The following COCH variants were observed in gnomAD, a reference collection of about 807,000 sequenced individuals.
The protein encoded by COCH is coagulation factor C homolog, cochlin (Limulus polyphemus).
Under a neutral mutation model 54.8 loss-of-function variants are expected in COCH, and 40 were observed. The observed-to-expected ratio is 0.73, with a 90% CI of 0.57 to 0.95. The LOEUF is 0.95. COCH is among the 40% of genes least tolerant of loss of function. The pLI is 0.00. For synonymous variants in COCH, 256 were observed against 237.9 expected, an observed-to-expected ratio of 1.08 and a Z score of -0.70; for missense variants, 605 against 675.0, an observed-to-expected ratio of 0.90 and a Z score of 1.15.
intron 1 of COCH, 144 bp from the exon 2 acceptor site, chr14:30,874,772 G>A: frequency 1.3e-6 from 1 of 762,986 alleles, no homozygotes; most frequent in Non-Finnish European, 2.2e-6. Flanking sequence ...CAGACCTAGA[G>A]GGGCGCTGGC....
rs1895938723 is a variant in COCH at position 30,890,300 on chromosome 14, C to T, written c.*509C>T. On this transcript the variant is annotated 3_prime_UTR_variant, in exon 12 of 12. Transcript: ENST00000396618. The stretch of plus-strand genomic sequence containing the variant: ...AATAATAGCTAGCTATTACTGCAGA[C>T]TATAAAATCTGGATATAGAAAGGAG... 3 of 985,176 alleles carry T rather than the reference C, an allele frequency of 3.0e-6. No individual in the cohort carries two copies. Among genetic ancestry groups the T allele is most frequent in the Non-Finnish European group, 3.6e-6 (3 of 829,688 alleles). The allele number at this position is 985,176 out of a possible 1,614,324, so 61.0% of individuals were successfully genotyped here.
Position 30,880,583 on chromosome 14 carries a change from G to A in COCH, c.482-4G>A, listed in dbSNP as rs773935807. ...AATGAGGGGACTGGTTTGGTTGTTC[G>A]CAGATTGTAAAGCAGACATTGCATT... On this transcript the variant is annotated splice_region_variant and splice_polypyrimidine_tract_variant and intron_variant, in intron 7 of 11. Transcript: ENST00000396618. 10 of 1,613,906 alleles carry A rather than the reference G, an allele frequency of 6.2e-6. No individual in the cohort carries two copies. The East Asian group carries it at 8.9e-5, about 14-fold the overall frequency.
chr14:30,880,361 G>A, intron 6 of COCH, 91 bp from the exon 7 acceptor site: 1 of 1,560,832 alleles, frequency 6.4e-7, no homozygotes, highest in Non-Finnish European at 8.7e-7. Context: ...TTCAAGAATG[G>A]CACTCTGTTG....
rs776347723 is a variant in COCH at position 30,889,794 on chromosome 14, G to GT, written c.*4dup. On this transcript the variant is annotated 3_prime_UTR_variant, in exon 12 of 12. Transcript: ENST00000396618. ...ATTTCTTAGAATCCCAGCAATAATGGTAACATTTTGACAACTGAAAGAAAA... is the reference window on the plus strand; with the variant it reads ...ATTTCTTAGAATCCCAGCAATAATGGTTAACATTTTGACAACTGAAAGAAAA... 1 of 1,608,248 alleles carries GT rather than the reference G, an allele frequency of 6.2e-7. No homozygotes were observed. Among genetic ancestry groups the GT allele is most frequent in the Non-Finnish European group, 8.5e-7 (1 of 1,175,432 alleles).
chr14:30,879,620 T>G (rs1045132550), intron 6 of COCH, 135 bp downstream of exon 6: 8 of 842,026 alleles, frequency 9.5e-6, no homozygotes, highest in Admixed American at 9.4e-5. Flanking sequence ...TTAAGTTTAC[T>G]GGTATATTAC....
At chr14:30,881,601 T>C (rs1024219882) in intron 8 of COCH, among the ~76,000 whole-genome samples, 1 of 152,234 alleles carries the variant, frequency 6.6e-6, no homozygotes, top group African/African-American at 2.4e-5. Context: ...TTTTTAGCTC[T>C]TTCCATATTC....
intron 11 of COCH, among the ~76,000 whole-genome samples, chr14:30,888,678 T>C (rs8005290): frequency 0.86 from 129,972 of 151,848 alleles, 57,925 homozygotes; most frequent in Non-Finnish European, 0.97. Context: ...GTCCCAGCTA[T>C]TTGAGGATGG....
chr14:30,884,447 GA>G, intron 8 of COCH, 105 bp from the exon 9 acceptor site: 1 of 757,954 alleles, frequency 1.3e-6, no homozygotes, highest in Non-Finnish European at 2.3e-6. Context: ...AATTAAGAAA[GA>G]AACTTGTGTG....
In COCH at chr14:30,889,623, T is replaced by TA. The variant is rs779782495; in HGVS notation, c.1486dup (p.Ile496AsnfsTer13). ...AAAATGTTTTCATTGTAGGAATCAC[T>TA]ATCTTCTCTGTTGGTGTGGCTTGGG... On this transcript the variant is annotated frameshift_variant, in exon 12 of 12. Coordinates refer to ENST00000396618, the MANE Select transcript of COCH (RefSeq NM_004086.3). LOFTEE classifies it high-confidence loss of function. The TA allele has an allele frequency of 1.2e-6, 2 of 1,613,894 alleles. No homozygotes were observed. Among genetic ancestry groups the TA allele is most frequent in the Non-Finnish European group, 1.7e-6 (2 of 1,179,768 alleles).
At position 30,880,752 on chromosome 14, in the gene COCH, A is replaced by G. The variant is rs1477969989; in HGVS notation, c.629+18A>G. The stretch of plus-strand genomic sequence containing the variant: ...CAAGCCAGGTACCAACCTTGTTAAA[A>G]TGGGAGATTTAAAAAAAAAATTATT... On this transcript the variant is annotated intron_variant, in intron 8 of 11. Transcript: ENST00000396618. The G allele has an allele frequency of 6.3e-7, 1 of 1,597,276 alleles. No individual in the cohort carries two copies. Among genetic ancestry groups the G allele is most frequent in the South Asian group, 1.1e-5 (1 of 90,554 alleles).
intron 9 of COCH, chr14:30,885,166 G>A (rs773772484): frequency 9.6e-6 from 12 of 1,253,144 alleles, no homozygotes; most frequent in Non-Finnish European, 1.2e-5. Context: ...GGTGGAGGGG[G>A]AACTAATATG....
chr14:30,895,174 T>A, downstream of COCH: 1 of 425,838 alleles, frequency 2.3e-6, no homozygotes, highest in East Asian at 4.1e-5. Context: ...TCAGTTCACA[T>A]CCAGTACAGG....
At chr14:30,893,025 C>A (rs565249101), downstream of COCH, among the ~76,000 whole-genome samples, 1 of 151,880 alleles carries the variant, frequency 6.6e-6, no homozygotes, top group Non-Finnish European at 1.5e-5. Context: ...AGGATATTAC[C>A]TTATTGAAGA....
At chr14:30,884,404 G>A in intron 8 of COCH, 149 bp from the exon 9 acceptor site, 1 of 630,514 alleles carries the variant, frequency 1.6e-6, no homozygotes, top group Admixed American at 2.7e-5. Context: ...ATTCAAGTAA[G>A]GATGCAATGC....
At chr14:30,875,391 GC>G in intron 3 of COCH, 1 of 598,008 alleles carries the variant, frequency 1.7e-6, no homozygotes. Context: ...CAGACCCCGG[GC>G]CCGCTGAGCG....
chr14:30,878,144 T>C (rs942125754), intron 4 of COCH, among the ~76,000 whole-genome samples: 7 of 152,206 alleles, frequency 4.6e-5, no homozygotes, highest in Non-Finnish European at 1.0e-4. Context: ...GCAAGTGCCA[T>C]GCTATCCTGT....
At chr14:30,887,410 A>C (rs1262301053) in intron 11 of COCH, among the ~76,000 whole-genome samples, 1 of 151,766 alleles carries the variant, frequency 6.6e-6, no homozygotes, top group Non-Finnish European at 1.5e-5. Flanking sequence ...AAAAAAAAAA[A>C]AAAAAAAAAA....
At position 30,877,985 on chromosome 14, in the gene COCH, T is replaced by C. The variant is rs998714536; in HGVS notation, c.239+257T>C. On this transcript the variant is annotated intron_variant, in intron 4 of 11. Transcript: ENST00000396618. This position sits in a 1 kb window ranked among gnomAD's most constrained non-coding sequence, Gnocchi z 8.6. ...TGATTCCAAAACATTCCTAATCATGTGATATATTACTGAGTTATTACTATG... is the reference window on the plus strand; with the variant it reads ...TGATTCCAAAACATTCCTAATCATGCGATATATTACTGAGTTATTACTATG... Among the ~76,000 whole-genome samples the C allele has an allele frequency of 2.0e-5, 3 of 152,230 alleles. No homozygotes were observed. Among genetic ancestry groups the C allele is most frequent in the Non-Finnish European group, 4.4e-5 (3 of 68,042 alleles).
At chr14:30,882,721 C>T (rs1895657901) in intron 8 of COCH, among the ~76,000 whole-genome samples, 1 of 152,076 alleles carries the variant, frequency 6.6e-6, no homozygotes, top group Non-Finnish European at 1.5e-5. Flanking sequence ...CTTAAAGCCT[C>T]TGATATAAAT....
Sources: allele counts gnomAD v4.1 joint callset (sites outside exome capture counted in the v4.1 genomes callset), GRCh38; gene constraint gnomAD v4.1.1; non-coding constraint Gnocchi (gnomAD v3.1); transcripts MANE v1.5; gene names NCBI Gene and HGNC (gene_info 2026-07-23, HGNC 2026-07-21).